Variants in JAK1 observed in about 807,000 individuals in gnomAD.
JAK1 encodes tyrosine-protein kinase JAK1.
A neutral mutation model predicts 136.6 loss-of-function variants in JAK1; 16 were observed. The ratio of observed to expected loss-of-function variants is 0.12; its 90% confidence interval spans 0.08 to 0.18. JAK1 has a LOEUF of 0.18. JAK1 is among the 10% of genes least tolerant of loss of function. JAK1 has a pLI of 1.00. For synonymous variants in JAK1, 492 were observed against 519.5 expected, an observed-to-expected ratio of 0.95 and a Z score of 0.72; for missense variants, 859 against 1,450.1, an observed-to-expected ratio of 0.59 and a Z score of 6.62.
chr1:64,905,836 G>C (rs942502819), intron 1 of JAK1, among the ~76,000 whole-genome samples: 1 of 152,162 alleles, frequency 6.6e-6, no homozygotes, highest in African/African-American at 2.4e-5. Context: ...GAGGAAAAGA[G>C]GTCAGGTTCC....
At position 65,052,900 on chromosome 1, in the gene JAK1, G is replaced by A. The variant is rs1159800431; in HGVS notation, c.-180-8318C>T. ...AAAAAAATTAGCCAAGCATGGCGGC[G>A]CATGCCTGTAATCCCAGCTACTCAG... On this transcript the variant is annotated intron_variant, in intron 1 of 25. Coordinates refer to the JAK1 transcript ENST00000671954. 4.0e-5 allele frequency among the ~76,000 whole-genome samples: 6 copies of A among 149,654 alleles called. No individual in the cohort carries two copies. In the South Asian group the frequency reaches 6.4e-4, roughly 16 times the overall value.
At chr1:64,979,523 A>G (rs1160631450) in intron 2 of JAK1, 1 of 152,258 alleles carries the variant, frequency 6.6e-6, no homozygotes, top group African/African-American at 2.4e-5. Flanking sequence ...TCAGAGGTCT[A>G]TGGCATCCAA....
chr1:64,853,638 T>C (rs931781362), intron 11 of JAK1, among the ~76,000 whole-genome samples: 3 of 152,212 alleles, frequency 2.0e-5, no homozygotes, highest in Admixed American at 2.0e-4. Context: ...AGCAAGTCAC[T>C]TACCATCTCA....
chr1:64,998,163 T>C (rs893686334), intron 2 of JAK1, among the ~76,000 whole-genome samples: 2 of 152,102 alleles, frequency 1.3e-5, no homozygotes, highest in African/African-American at 2.4e-5. Context: ...ATGCAAAATA[T>C]GAAAGAGAGA....
intron 1 of JAK1, among the ~76,000 whole-genome samples, chr1:64,917,908 G>T (rs2100344631): frequency 6.6e-6 from 1 of 152,252 alleles, no homozygotes; most frequent in East Asian, 1.9e-4. Flanking sequence ...TCCCAAAAGG[G>T]TCCCTGCAAC....
intron 2 of JAK1, among the ~76,000 whole-genome samples, chr1:65,039,302 G>C (rs144299251): frequency 3.2e-4 from 49 of 152,316 alleles, no homozygotes; most frequent in African/African-American, 1.1e-3. Context: ...TCAGTGTGGA[G>C]TATAGAGATA....
chr1:64,888,957 C>G (rs1387201816), intron 1 of JAK1, among the ~76,000 whole-genome samples: 1 of 152,214 alleles, frequency 6.6e-6, no homozygotes, highest in Non-Finnish European at 1.5e-5. Context: ...AGGCACTGTT[C>G]TAAGCACTTT....
intron 1 of JAK1, chr1:65,058,564 C>T (rs1647652106): frequency 1.9e-6 from 1 of 520,710 alleles, no homozygotes; most frequent in Non-Finnish European, 3.9e-6. Flanking sequence ...GCATTACTCT[C>T]TCTGAAGGCT....
intron 1 of JAK1, among the ~76,000 whole-genome samples, chr1:64,947,147 G>T (rs11208552): frequency 0.51 from 77,919 of 152,030 alleles, 23,979 homozygotes; most frequent in Non-Finnish European, 0.71. Context: ...GTAAAACAAC[G>T]TGAATGTACT....
At chr1:65,042,546 T>C (rs1647144209) in intron 2 of JAK1, among the ~76,000 whole-genome samples, 1 of 152,112 alleles carries the variant, frequency 6.6e-6, no homozygotes, top group Non-Finnish European at 1.5e-5. Context: ...GTGTTTCATA[T>C]AGGGCTTTAG....
intron 1 of JAK1, among the ~76,000 whole-genome samples, chr1:64,911,027 G>T (rs1645275733): frequency 6.6e-6 from 1 of 151,144 alleles, no homozygotes; most frequent in South Asian, 2.1e-4. Flanking sequence ...AACCAAAATG[G>T]GCAATTAGAA....
Position 64,860,901 on chromosome 1 carries a change from G to A in JAK1, c.1177-639C>T, listed in dbSNP as rs551442869. On this transcript the variant is annotated intron_variant, in intron 8 of 24. Coordinates refer to ENST00000342505, the MANE Select transcript of JAK1 (RefSeq NM_002227.4). Reference sequence around the variant, plus strand: ...TGGGGGAGGCTGTGGCAGGCAGGGAGACATGCAGAGAAGCTGTCCCCTGGG... The same window carrying A: ...TGGGGGAGGCTGTGGCAGGCAGGGAAACATGCAGAGAAGCTGTCCCCTGGG... Among the ~76,000 whole-genome samples, 3 of 138,292 alleles carry A rather than the reference G, an allele frequency of 2.2e-5. No individual in the cohort carries two copies. The East Asian group carries it at 6.0e-4, about 28-fold the overall frequency. 90.7% of individuals were successfully genotyped at this position (138,292 alleles called of 152,430 possible).
At chr1:64,949,627 G>A (rs767712390) in intron 1 of JAK1, among the ~76,000 whole-genome samples, 26 of 152,186 alleles carry the variant, frequency 1.7e-4, no homozygotes, top group African/African-American at 5.8e-4. Flanking sequence ...ATAATGGTCC[G>A]TATTTGACAT....
intron 1 of JAK1, among the ~76,000 whole-genome samples, chr1:64,937,456 C>A (rs374973977): frequency 6.6e-6 from 1 of 152,126 alleles, no homozygotes; most frequent in Admixed American, 6.5e-5. Context: ...GGTCCAACGC[C>A]GAGCATCTTT....
At chr1:64,931,963 G>T (rs78342163) in intron 1 of JAK1, among the ~76,000 whole-genome samples, 2 of 151,690 alleles carry the variant, frequency 1.3e-5, no homozygotes, top group South Asian at 2.1e-4. Flanking sequence ...AGGAGGGGGG[G>T]GGATATTCAA....
chr1:65,026,592 C>T (rs1481237760), intron 2 of JAK1, among the ~76,000 whole-genome samples: 2 of 152,222 alleles, frequency 1.3e-5, no homozygotes, highest in African/African-American at 4.8e-5. Flanking sequence ...AGAATTTCTA[C>T]ATAAGAAAAG....
rs1247126005 is a variant in JAK1 at position 64,989,000 on chromosome 1, GTGTA to G, written c.-78+55476_-78+55479del. ...TATGTATATGTGTGTGTGTGTGTGTGTGTATATATATATATATATATATATATAT... is the reference window on the plus strand; with the variant it reads ...TATGTATATGTGTGTGTGTGTGTGTGTATATATATATATATATATATATAT... On this transcript the variant is annotated intron_variant, in intron 2 of 25. Coordinates refer to the JAK1 transcript ENST00000671954. Among the ~76,000 whole-genome samples, 456 of 91,834 alleles carry G rather than the reference GTGTA, an allele frequency of 5.0e-3. 2 individuals carry two copies. The highest frequency in any genetic ancestry group is 0.018 in the African/African-American group (443 of 25,080). The allele number at this position is 91,834 out of a possible 152,430, so 60.2% of individuals were successfully genotyped here. A position where few individuals can be genotyped will look rare whatever the true frequency, so the allele number is the denominator to read the frequency against.
intron 2 of JAK1, among the ~76,000 whole-genome samples, chr1:64,980,234 A>C (rs1646531818): frequency 6.6e-6 from 1 of 152,144 alleles, no homozygotes; most frequent in South Asian, 2.1e-4. Context: ...TGGACTGTGG[A>C]AGTGTAAAGC....
intron 2 of JAK1, among the ~76,000 whole-genome samples, chr1:64,885,345 T>G (rs1245390589): frequency 1.3e-5 from 2 of 152,208 alleles, no homozygotes; most frequent in East Asian, 3.9e-4. Context: ...CTTGAGAGTC[T>G]TTATAGACGT....
Sources: allele counts gnomAD v4.1 joint callset (sites outside exome capture counted in the v4.1 genomes callset), GRCh38; gene constraint gnomAD v4.1.1; transcripts MANE v1.5; gene names NCBI Gene and HGNC (gene_info 2026-07-23, HGNC 2026-07-21).